Variants in FOXN3 observed in about 807,000 individuals in gnomAD.
FOXN3 encodes the protein forkhead box N3.
In FOXN3, 7 loss-of-function variants were observed where a neutral mutation model predicts 38.4. That is an observed-to-expected ratio of 0.18 (90% CI 0.10 to 0.34). The LOEUF (loss-of-function observed/expected upper bound fraction) is 0.34. Among genes scored for constraint, FOXN3 ranks in the 10% least tolerant of loss-of-function variants. The pLI, the probability that FOXN3 is intolerant of heterozygous loss-of-function variation, is 1.00. For synonymous variants in FOXN3, 230 were observed against 242.2 expected, an observed-to-expected ratio of 0.95 and a Z score of 0.47; for missense variants, 456 against 613.4, an observed-to-expected ratio of 0.74 and a Z score of 2.71.
intron 1 of FOXN3, among the ~76,000 whole-genome samples, chr14:89,596,753 T>G (rs1485924083): frequency 6.6e-6 from 1 of 152,212 alleles, no homozygotes; most frequent in African/African-American, 2.4e-5. Context: ...TTTCAGTAAG[T>G]GGCATTTTAA....
At chr14:89,547,158 A>G (rs971247956) in intron 1 of FOXN3, among the ~76,000 whole-genome samples, 13 of 152,196 alleles carry the variant, frequency 8.5e-5, no homozygotes, top group Non-Finnish European at 1.6e-4. Context: ...GCTGATGGGA[A>G]TGTGAAATTG....
chr14:89,451,206 T>G (rs1451808008), intron 1 of FOXN3, among the ~76,000 whole-genome samples: 1 of 152,182 alleles, frequency 6.6e-6, no homozygotes, highest in Non-Finnish European at 1.5e-5. Flanking sequence ...CTGTCTCTCA[T>G]TTTGCTACTG....
intron 3 of FOXN3, among the ~76,000 whole-genome samples, chr14:89,319,012 G>GCCA (rs1381518864): frequency 6.6e-6 from 1 of 152,224 alleles, no homozygotes; most frequent in Non-Finnish European, 1.5e-5. Flanking sequence ...AACAGGAAAG[G>GCCA]CCACCAGGGG....
intron 2 of FOXN3, among the ~76,000 whole-genome samples, chr14:89,359,490 G>A (rs1281414184): frequency 6.6e-6 from 1 of 152,200 alleles, no homozygotes; most frequent in African/African-American, 2.4e-5. Context: ...TCCATAGTCT[G>A]ATGTTAATTT....
chr14:89,539,558 C>A (rs966067487), intron 1 of FOXN3, among the ~76,000 whole-genome samples: 1 of 152,204 alleles, frequency 6.6e-6, no homozygotes, highest in African/African-American at 2.4e-5. Context: ...CATATAAACA[C>A]AACCTTGGGT....
At chr14:89,508,430 G>A (rs1404668384) in intron 1 of FOXN3, among the ~76,000 whole-genome samples, 1 of 152,220 alleles carries the variant, frequency 6.6e-6, no homozygotes, top group Non-Finnish European at 1.5e-5. Flanking sequence ...CACAGAGCCA[G>A]AGTATCAGCT....
chr14:89,516,957 G>A (rs1190457105), intron 1 of FOXN3, among the ~76,000 whole-genome samples: 1 of 152,226 alleles, frequency 6.6e-6, no homozygotes, highest in East Asian at 1.9e-4. Flanking sequence ...TCCTTGACCT[G>A]TCTGTCCAGA....
intron 1 of FOXN3, among the ~76,000 whole-genome samples, chr14:89,527,745 G>A (rs365680): frequency 0.66 from 98,665 of 150,184 alleles, 33,083 homozygotes; most frequent in East Asian, 0.82. Context: ...TCTGTCGCTC[G>A]GGCTGGAGTG....
In FOXN3 at chr14:89,272,712, G is replaced by A. The variant is rs903893830; in HGVS notation, c.745+8238C>T. On this transcript the variant is annotated intron_variant, in intron 4 of 5. Coordinates refer to ENST00000557258, the MANE Select transcript of FOXN3 (RefSeq NM_005197.4). ...TACTAAGAATACAAAAATTAGCCGC[G>A]CATGGTGGCGCACGCCTGTAGTCCC... Among the ~76,000 whole-genome samples the A allele has an allele frequency of 5.3e-5, 8 of 152,142 alleles. No individual in the cohort carries two copies. The East Asian group carries it at 7.7e-4, about 15-fold the overall frequency.
intron 4 of FOXN3, among the ~76,000 whole-genome samples, chr14:89,253,523 G>T (rs1885527098): frequency 1.3e-5 from 2 of 152,272 alleles, no homozygotes; most frequent in East Asian, 1.9e-4. Context: ...GCACAGAAAA[G>T]ATCAAGTCTT....
At chr14:89,279,267 G>T (rs534701731) in intron 4 of FOXN3, among the ~76,000 whole-genome samples, 4 of 152,282 alleles carry the variant, frequency 2.6e-5, no homozygotes, top group Non-Finnish European at 4.4e-5. Flanking sequence ...GCAACTGGGG[G>T]AATTTGTAAC....
chr14:89,390,949 A>C (rs1275668715), intron 2 of FOXN3, among the ~76,000 whole-genome samples: 2 of 152,204 alleles, frequency 1.3e-5, no homozygotes, highest in Non-Finnish European at 2.9e-5. Context: ...GATGAGTCGA[A>C]GACAGGGTAG....
intron 4 of FOXN3, among the ~76,000 whole-genome samples, chr14:89,275,523 G>A (rs1011804627): frequency 6.6e-6 from 1 of 152,126 alleles, no homozygotes; most frequent in African/African-American, 2.4e-5. Context: ...CAGAACCCAG[G>A]TCCCTTGACT....
chr14:89,268,245 G>A (rs1340967763), intron 4 of FOXN3, among the ~76,000 whole-genome samples: 1 of 152,102 alleles, frequency 6.6e-6, no homozygotes, highest in Non-Finnish European at 1.5e-5. Context: ...GCTATAATGG[G>A]GGATACGTGG....
intron 1 of FOXN3, among the ~76,000 whole-genome samples, chr14:89,488,165 C>G (rs1893490701): frequency 6.6e-6 from 1 of 151,624 alleles, no homozygotes; most frequent in African/African-American, 2.4e-5. Context: ...TCACTGCAAC[C>G]TCTGCCTCCC....
chr14:89,247,384 C>T (rs973029849), intron 4 of FOXN3, among the ~76,000 whole-genome samples: 4 of 152,188 alleles, frequency 2.6e-5, no homozygotes, highest in African/African-American at 9.7e-5. Flanking sequence ...GTGGAGCTTT[C>T]TGGAACCTGG....
chr14:89,487,952 C>T (rs1189500325), intron 1 of FOXN3, among the ~76,000 whole-genome samples: 1 of 152,036 alleles, frequency 6.6e-6, no homozygotes, highest in East Asian at 1.9e-4. Flanking sequence ...AAAGCGAAGG[C>T]CCGGAGGTTG....
intron 4 of FOXN3, among the ~76,000 whole-genome samples, chr14:89,259,195 C>T (rs993965649): frequency 1.3e-5 from 2 of 152,218 alleles, no homozygotes; most frequent in African/African-American, 2.4e-5. Context: ...AGAGATGTTA[C>T]AGGAAACTGC....
chr14:89,212,367 G>C (rs1297033216), intron 4 of FOXN3, among the ~76,000 whole-genome samples: 1 of 152,174 alleles, frequency 6.6e-6, no homozygotes, highest in Non-Finnish European at 1.5e-5. Flanking sequence ...TGGGGTTCTG[G>C]GGGTAAATTC....
Sources: gnomAD v4.1 joint callset for allele counts (sites outside exome capture counted in the v4.1 genomes callset) on GRCh38, gnomAD v4.1.1 for gene constraint, MANE v1.5 for transcripts, NCBI Gene and HGNC (gene_info 2026-07-23, HGNC 2026-07-21) for gene names.